ALYREF: variants seen among roughly 807,000 people sequenced by gnomAD.
The protein encoded by ALYREF is Aly/REF export factor.
Under a neutral mutation model 25.2 loss-of-function variants are expected in ALYREF, and 1 was observed. That is an observed-to-expected ratio of 0.04 (90% CI 0.01 to 0.19). ALYREF has a LOEUF of 0.19. Ranked by LOEUF, ALYREF falls within the 10% of genes least tolerant of loss-of-function variation. The pLI, the probability that ALYREF is intolerant of heterozygous loss-of-function variation, is 1.00. For synonymous variants in ALYREF, 193 were observed against 153.5 expected, an observed-to-expected ratio of 1.26 and a Z score of -1.90; for missense variants, 328 against 375.6, an observed-to-expected ratio of 0.87 and a Z score of 1.05.
chr17:81,888,033 A>T lies in ALYREF; in HGVS notation c.*98T>A. On this transcript the variant is annotated 3_prime_UTR_variant, in exon 6 of 6. Transcript: ENST00000505490. This position sits in a 1 kb window ranked among gnomAD's most constrained non-coding sequence, Gnocchi z 5.8. ...CCTATTTTAAAACATAAAAGAAACAAATCCATCATTGGCCGCACAGCCCCA... is the reference window on the plus strand; with the variant it reads ...CCTATTTTAAAACATAAAAGAAACATATCCATCATTGGCCGCACAGCCCCA... 1 of 1,444,180 alleles carries T rather than the reference A, an allele frequency of 6.9e-7. No individual in the cohort carries two copies. Among genetic ancestry groups the T allele is most frequent in the Non-Finnish European group, 9.5e-7 (1 of 1,055,694 alleles). The allele number at this position is 1,444,180 out of a possible 1,614,324, so 89.5% of individuals were successfully genotyped here.
intron 2 of ALYREF, chr17:81,889,667 G>A (rs772377937): frequency 1.2e-5 from 3 of 247,264 alleles, no homozygotes; most frequent in African/African-American, 6.5e-5. Context: ...TCCAAGAAAC[G>A]GTAAAGGCCA....
chr17:81,890,007 G>T (rs1195051983), intron 2 of ALYREF: 2 of 152,678 alleles, frequency 1.3e-5, no homozygotes, highest in Admixed American at 1.3e-4. Flanking sequence ...GTGCTCACTG[G>T]CCCTACTCTG....
intron 2 of ALYREF, among the ~76,000 whole-genome samples, chr17:81,890,209 G>A (rs2039490476): frequency 1.3e-5 from 2 of 152,118 alleles, no homozygotes; most frequent in Admixed American, 1.3e-4. Flanking sequence ...ACGGGACACG[G>A]CGGTGGGGAG....
In ALYREF at chr17:81,887,995, T is replaced by C; in HGVS notation, c.*136A>G. On this transcript the variant is annotated 3_prime_UTR_variant, in exon 6 of 6. Transcript: ENST00000505490. Reference sequence around the variant, plus strand: ...AAAAGAAAAAAAAAAAACCTTTACATGAGTTTTTAAATCCTATTTTAAAAC... The same window carrying C: ...AAAAGAAAAAAAAAAAACCTTTACACGAGTTTTTAAATCCTATTTTAAAAC... 1 of 938,340 alleles carries C rather than the reference T, an allele frequency of 1.1e-6. No homozygotes were observed. Among genetic ancestry groups the C allele is most frequent in the South Asian group, 2.3e-5 (1 of 43,766 alleles). The allele number at this position is 938,340 out of a possible 1,614,324, so 58.1% of individuals were successfully genotyped here. A position where few individuals can be genotyped will look rare whatever the true frequency, so the allele number is the denominator to read the frequency against.
At position 81,888,576 on chromosome 17, in the gene ALYREF, G is replaced by T. The variant is rs376838061; in HGVS notation, c.546C>A (p.Pro182=). 6.3e-7 allele frequency: 1 copy of T among 1,591,594 alleles called. No individual in the cohort carries two copies. The part of the protein sequence containing the change: ...QYNGVPLDGR[P]MNIQLVTSQI... Reference sequence around the variant, plus strand: ...GTGACGTGACAAGCTGAATGTTCATGGGGCGGCCTGCGGCAAAGAATACGA... The same window carrying T: ...GTGACGTGACAAGCTGAATGTTCATTGGGCGGCCTGCGGCAAAGAATACGA... Residue 182 remains proline (P), a synonymous_variant, in exon 4 of 6, where the codon CCC becomes CCA. Coordinates refer to ENST00000505490, the MANE Select transcript of ALYREF (RefSeq NM_005782.4). The surrounding 1 kb of genome is among the most constrained non-coding windows in gnomAD (Gnocchi z 5.8).
At position 81,889,295 on chromosome 17, in the gene ALYREF, G is replaced by C. The variant is rs1381337363; in HGVS notation, c.425C>G (p.Ala142Gly). 1.9e-6 allele frequency: 3 copies of C among 1,614,046 alleles called. No homozygotes were observed. The highest frequency in any genetic ancestry group is 2.5e-6 in the Non-Finnish European group (3 of 1,179,978). Residue 142 changes from alanine (A) to glycine (G), a missense_variant, in exon 3 of 6, where the codon GCG (alanine) becomes GGG (glycine). Coordinates refer to ENST00000505490, the MANE Select transcript of ALYREF (RefSeq NM_005782.4). ...LFAEFGTLKKAAVHYDRSGRS... is the reference protein window; with the variant it reads ...LFAEFGTLKKGAVHYDRSGRS... ...ACCAGAGCGATCATAGTGCACAGCC[G>C]CCTTCTTCAGCGTTCCAAATTCAGC...
In ALYREF at chr17:81,888,023, A is replaced by T; in HGVS notation, c.*108T>A. ...GTTTTTAAATCCTATTTTAAAACAT[A>T]AAAGAAACAAATCCATCATTGGCCG... On this transcript the variant is annotated 3_prime_UTR_variant, in exon 6 of 6. Transcript: ENST00000505490. This position sits in a 1 kb window ranked among gnomAD's most constrained non-coding sequence, Gnocchi z 5.8. 7.1e-7 allele frequency: 1 copy of T among 1,400,922 alleles called. No individual in the cohort carries two copies. Among genetic ancestry groups the T allele is most frequent in the Non-Finnish European group, 9.8e-7 (1 of 1,023,642 alleles). The allele number at this position is 1,400,922 out of a possible 1,614,324, so 86.8% of individuals were successfully genotyped here.
chr17:81,891,003 C>T, intron 1 of ALYREF, 183 bp from the exon 2 acceptor site: 2 of 904,392 alleles, frequency 2.2e-6, no homozygotes, highest in Non-Finnish European at 1.6e-6. Flanking sequence ...CCACCGCGGC[C>T]GCACAACTTC....
At position 81,888,065 on chromosome 17, in the gene ALYREF, GCCC is replaced by G; in HGVS notation, c.*63_*65del. On this transcript the variant is annotated 3_prime_UTR_variant, in exon 6 of 6. Coordinates refer to ENST00000505490, the MANE Select transcript of ALYREF (RefSeq NM_005782.4). The surrounding 1 kb of genome is among the most constrained non-coding windows in gnomAD (Gnocchi z 5.8). Reference sequence around the variant, plus strand: ...CATTGGCCGCACAGCCCCAGCCACCGCCCCCCAACCAGGGAGCAAGAGGAGACG... The same window carrying G: ...CATTGGCCGCACAGCCCCAGCCACCGCCCAACCAGGGAGCAAGAGGAGACG... The G allele has an allele frequency of 6.2e-7, 1 of 1,604,254 alleles. No homozygotes were observed. The highest frequency in any genetic ancestry group is 8.5e-7 in the Non-Finnish European group (1 of 1,173,848).
In ALYREF at chr17:81,888,045, G is replaced by T. The variant is rs2039455638; in HGVS notation, c.*86C>A. ...CATAAAAGAAACAAATCCATCATTG[G>T]CCGCACAGCCCCAGCCACCGCCCCC... On this transcript the variant is annotated 3_prime_UTR_variant, in exon 6 of 6. Transcript: ENST00000505490. This position sits in a 1 kb window ranked among gnomAD's most constrained non-coding sequence, Gnocchi z 5.8. The T allele has an allele frequency of 6.6e-7, 1 of 1,521,466 alleles. No individual in the cohort carries two copies. Among genetic ancestry groups the T allele is most frequent in the African/African-American group, 1.4e-5 (1 of 71,786 alleles). The allele number at this position is 1,521,466 out of a possible 1,614,324, so 94.2% of individuals were successfully genotyped here. A position where few individuals can be genotyped will look rare whatever the true frequency, so the allele number is the denominator to read the frequency against.
chr17:81,888,757 G>A lies in ALYREF; in HGVS notation c.539-174C>T. ...GGTGGGAGAACAAAATGGCAAGGAA[G>A]CAACCCCACCAACACCTCCTCACTC... is the stretch of plus-strand genomic sequence containing the variant. On this transcript the variant is annotated intron_variant, in intron 3 of 5. Coordinates refer to ENST00000505490, the MANE Select transcript of ALYREF (RefSeq NM_005782.4). This position sits in a 1 kb window ranked among gnomAD's most constrained non-coding sequence, Gnocchi z 5.8. The A allele has an allele frequency of 2.1e-6, 3 of 1,454,842 alleles. No individual in the cohort carries two copies. The highest frequency in any genetic ancestry group is 2.7e-6 in the Non-Finnish European group (3 of 1,102,650). 90.1% of individuals were successfully genotyped at this position (1,454,842 alleles called of 1,614,324 possible).
At chr17:81,890,233 G>A (rs946884411) in intron 2 of ALYREF, among the ~76,000 whole-genome samples, 2 of 152,126 alleles carry the variant, frequency 1.3e-5, no homozygotes, top group Non-Finnish European at 2.9e-5. Flanking sequence ...TAAAACCACA[G>A]CGTACAAGGT....
At chr17:81,891,241 C>G (rs1410465798) in intron 1 of ALYREF, 82 bp downstream of exon 1, 26 of 1,060,938 alleles carry the variant, frequency 2.5e-5, no homozygotes, top group Middle Eastern at 4.2e-4. Context: ...CCCGCCGGCC[C>G]GGGTCTCCGC....
chr17:81,890,575 G>A (rs2039501236), intron 2 of ALYREF, 114 bp downstream of exon 2: 5 of 1,482,634 alleles, frequency 3.4e-6, no homozygotes, highest in East Asian at 2.3e-5. Context: ...CAGCCCTTCA[G>A]AGCTGGGAGG....
chr17:81,889,500 A>G (rs944960992), intron 2 of ALYREF, among the ~76,000 whole-genome samples, 171 bp from the exon 3 acceptor site: 1 of 152,188 alleles, frequency 6.6e-6, no homozygotes, highest in Non-Finnish European at 1.5e-5. Flanking sequence ...AGCAACTTCC[A>G]AGAGCACCTG....
intron 2 of ALYREF, among the ~76,000 whole-genome samples, chr17:81,890,360 T>C (rs935557694): frequency 1.3e-5 from 2 of 151,872 alleles, no homozygotes; most frequent in Non-Finnish European, 2.9e-5. Flanking sequence ...GGCACAAAAT[T>C]TAAAAAGCAA....
In ALYREF at chr17:81,889,190, G is replaced by A; in HGVS notation, c.530C>T (p.Pro177Leu). 6.2e-7 allele frequency: 1 copy of A among 1,614,164 alleles called. No homozygotes were observed. The highest frequency in any genetic ancestry group is 8.5e-7 in the Non-Finnish European group (1 of 1,179,988). ...LKAMKQYNGV[P>L]LDGRPMNIQL... ...TCCACCCCCAGACTCACCATCCAGA[G>A]GGACGCCGTTGTACTGCTTCATGGC... Residue 177 changes from proline (P) to leucine (L), a missense_variant, in exon 3 of 6, where the codon CCT becomes CTT. Around this residue, in one of 3 missense-constraint regions of ALYREF, gnomAD observed 70 missense variants for 129.9 expected, o/e 0.54. Coordinates refer to ENST00000505490, the MANE Select transcript of ALYREF (RefSeq NM_005782.4).
chr17:81,887,846 C>A lies in ALYREF; in HGVS notation c.*285G>T. On this transcript the variant is annotated 3_prime_UTR_variant, in exon 6 of 6. Coordinates refer to ENST00000505490, the MANE Select transcript of ALYREF (RefSeq NM_005782.4). Reference sequence around the variant, plus strand: ...GACGAATCAAACAGTTCCAGTTCTACACACATTTCTATTTTATTATGGAAA... The same window carrying A: ...GACGAATCAAACAGTTCCAGTTCTAAACACATTTCTATTTTATTATGGAAA... The A allele has an allele frequency of 3.1e-6, 1 of 320,672 alleles. No individual in the cohort carries two copies. The highest frequency in any genetic ancestry group is 5.7e-6 in the Non-Finnish European group (1 of 176,024). 19.9% of individuals were successfully genotyped at this position (320,672 alleles called of 1,614,324 possible).
At position 81,888,009 on chromosome 17, in the gene ALYREF, C is replaced by A; in HGVS notation, c.*122G>T. ...AAACCTTTACATGAGTTTTTAAATCCTATTTTAAAACATAAAAGAAACAAA... is the reference window on the plus strand; with the variant it reads ...AAACCTTTACATGAGTTTTTAAATCATATTTTAAAACATAAAAGAAACAAA... On this transcript the variant is annotated 3_prime_UTR_variant, in exon 6 of 6. Transcript: ENST00000505490. This position sits in a 1 kb window ranked among gnomAD's most constrained non-coding sequence, Gnocchi z 5.8. 3.4e-6 allele frequency: 4 copies of A among 1,173,756 alleles called. No individual in the cohort carries two copies. The highest frequency in any genetic ancestry group is 3.5e-6 in the Non-Finnish European group (3 of 849,762). The allele number at this position is 1,173,756 out of a possible 1,614,324, so 72.7% of individuals were successfully genotyped here. A position where few individuals can be genotyped will look rare whatever the true frequency, so the allele number is the denominator to read the frequency against.
Sources: allele counts gnomAD v4.1 joint callset (sites outside exome capture counted in the v4.1 genomes callset), GRCh38; gene constraint gnomAD v4.1.1; regional missense constraint gnomAD v4.1.1; non-coding constraint Gnocchi (gnomAD v3.1); transcripts MANE v1.5; gene names NCBI Gene and HGNC (gene_info 2026-07-23, HGNC 2026-07-21).